Variants in SYDE2 observed in about 807,000 individuals in gnomAD.
The protein encoded by SYDE2 is rho GTPase-activating protein SYDE2.
A neutral mutation model predicts 91.5 loss-of-function variants in SYDE2; 76 were observed. The ratio of observed to expected loss-of-function variants is 0.83; its 90% confidence interval spans 0.69 to 1.01. The LOEUF (loss-of-function observed/expected upper bound fraction) is 1.01. Ranked by LOEUF, SYDE2 falls within the 50% of genes least tolerant of loss-of-function variation. The pLI is 0.00. For synonymous variants in SYDE2, 513 were observed against 506.4 expected (o/e 1.01, Z -0.18); for missense variants, 1,364 against 1,367.7 (o/e 1.00, Z 0.04).
intron 1 of SYDE2, 59 bp downstream of exon 1, chr1:85,200,193 G>A: frequency 6.2e-7 from 1 of 1,609,258 alleles, no homozygotes; most frequent in East Asian, 2.2e-5. Context: ...TAAGACAGAA[G>A]CCCAGTCGGT....
chr1:85,164,933 T>C (rs1334542319), intron 5 of SYDE2, among the ~76,000 whole-genome samples, 176 bp from the exon 6 acceptor site: 1 of 152,160 alleles, frequency 6.6e-6, no homozygotes, highest in African/African-American at 2.4e-5. Flanking sequence ...AAACATTATA[T>C]GGGGCCTAAA....
At chr1:85,195,174 T>A (rs1216720821) in intron 1 of SYDE2, among the ~76,000 whole-genome samples, 3 of 148,270 alleles carry the variant, frequency 2.0e-5, no homozygotes. Context: ...AAAAAAAAAA[T>A]GTGTAGTATC....
At chr1:85,186,741 C>A (rs1165449451) in intron 2 of SYDE2, among the ~76,000 whole-genome samples, 1 of 151,696 alleles carries the variant, frequency 6.6e-6, no homozygotes. Context: ...CTTTGACAAA[C>A]CTGAGAAAAA....
intron 1 of SYDE2, among the ~76,000 whole-genome samples, chr1:85,191,515 T>C (rs1382021325): frequency 6.6e-6 from 1 of 152,086 alleles, no homozygotes; most frequent in Non-Finnish European, 1.5e-5. Context: ...ATCCCAGCAC[T>C]TTGGGAGGCC....
chr1:85,183,231 A>T (rs1023659101), intron 2 of SYDE2, 31 bp from the exon 3 acceptor site: 2 of 1,495,806 alleles, frequency 1.3e-6, no homozygotes, highest in East Asian at 4.6e-5. Context: ...ATACGTTATA[A>T]AGCAATATGT....
At chr1:85,171,349 T>C (rs1202631020) in intron 4 of SYDE2, among the ~76,000 whole-genome samples, 1 of 152,054 alleles carries the variant, frequency 6.6e-6, no homozygotes, top group Middle Eastern at 3.2e-3. Context: ...ATCTTCCAGT[T>C]GTGACTAAGG....
chr1:85,163,426 C>G (rs1459739599), intron 6 of SYDE2, among the ~76,000 whole-genome samples: 2 of 133,214 alleles, frequency 1.5e-5, no homozygotes, highest in African/African-American at 5.4e-5. Flanking sequence ...TGAAATCAAG[C>G]ATTCTCTTGT....
chr1:85,166,884 T>C (rs546839619), intron 5 of SYDE2, among the ~76,000 whole-genome samples: 47 of 152,182 alleles, frequency 3.1e-4, no homozygotes, highest in Non-Finnish European at 5.4e-4. Context: ...CTAAATAAGA[T>C]AAGCCAAAAA....
intron 6 of SYDE2, chr1:85,161,017 T>G: frequency 1.0e-6 from 1 of 979,934 alleles, no homozygotes; most frequent in African/African-American, 1.7e-5. Context: ...CTTTTTAGAC[T>G]ACTGATGTCA....
chr1:85,156,570 A>G (rs1361033137), downstream of SYDE2, among the ~76,000 whole-genome samples: 2 of 152,166 alleles, frequency 1.3e-5, no homozygotes, highest in African/African-American at 4.8e-5. Context: ...CTGGTACAGC[A>G]GAGTCAATAA....
intron 1 of SYDE2, among the ~76,000 whole-genome samples, chr1:85,199,617 T>C (rs1451979518): frequency 3.3e-5 from 5 of 152,166 alleles, no homozygotes; most frequent in Non-Finnish European, 1.5e-5. Context: ...AAGATTACTT[T>C]GTTGAGGTTT....
In SYDE2 at chr1:85,187,404, T is replaced by C. The variant is rs1364002853; in HGVS notation, c.1441+2653A>G. Among the ~76,000 whole-genome samples the C allele has an allele frequency of 2.6e-5, 4 of 151,926 alleles. No individual in the cohort carries two copies. In the South Asian group the frequency reaches 6.2e-4, roughly 24 times the overall value. On this transcript the variant is annotated intron_variant, in intron 2 of 6. Coordinates refer to ENST00000341460, the MANE Select transcript of SYDE2 (RefSeq NM_032184.2). ...AGGATGTGGAGAAATAGGAACACTTTTACACTGCTGGTGGGACTGTAAACT... is the reference window on the plus strand; with the variant it reads ...AGGATGTGGAGAAATAGGAACACTTCTACACTGCTGGTGGGACTGTAAACT...
rs770634665 is a variant in SYDE2 at position 85,182,071 on chromosome 1, T to C, written c.2544+27A>G. 44 of 1,534,944 alleles carry C rather than the reference T, an allele frequency of 2.9e-5. 1 individual carries two copies. The South Asian group carries it at 5.3e-4, about 18-fold the overall frequency. On this transcript the variant is annotated intron_variant, in intron 3 of 6. Transcript: ENST00000341460. ...ACAATTAATCAATCAATAAAGGAAG[T>C]AGTAGGGAACCATAGTAAGATAATA...
Position 85,190,150 on chromosome 1 carries a change from C to T in SYDE2, c.1348G>A (p.Glu450Lys), listed in dbSNP as rs375897285. The T allele has an allele frequency of 4.3e-6, 7 of 1,613,862 alleles. No homozygotes were observed. The highest frequency in any genetic ancestry group is 1.3e-5 in the African/African-American group (1 of 74,924). Residue 450 changes from glutamate (E) to lysine (K), a missense_variant, in exon 2 of 7, where the codon GAA becomes AAA. Glu to Lys is a moderately conservative substitution (Grantham distance 56). Coordinates refer to ENST00000341460, the MANE Select transcript of SYDE2 (RefSeq NM_032184.2). ...TTTTGCTTGTACTGCTGCACAAATT[C>T]TGTGGAATGGGCAGGATGTATAGGA... is the stretch of plus-strand genomic sequence containing the variant. ...MNPIHPAHST[E>K]FVQQYKQKLG...
intron 1 of SYDE2, among the ~76,000 whole-genome samples, chr1:85,199,439 A>G (rs1658723921): frequency 6.6e-6 from 1 of 152,222 alleles, no homozygotes; most frequent in Admixed American, 6.5e-5. Context: ...CACATACAAA[A>G]TAGGGAGCTT....
intron 6 of SYDE2, among the ~76,000 whole-genome samples, chr1:85,164,154 C>T (rs1657179581): frequency 6.6e-6 from 1 of 152,160 alleles, no homozygotes; most frequent in South Asian, 2.1e-4. Context: ...ACATTACATA[C>T]ACAATTTTTA....
At chr1:85,190,000 T>C (rs1425018999) in intron 2 of SYDE2, 57 bp downstream of exon 2, 11 of 1,294,630 alleles carry the variant, frequency 8.5e-6, no homozygotes, top group Admixed American at 2.3e-5. Flanking sequence ...TTTTAGCTAT[T>C]ATCAAATAAT....
intron 2 of SYDE2, among the ~76,000 whole-genome samples, chr1:85,184,253 A>G (rs1454441569): frequency 6.6e-6 from 1 of 152,214 alleles, no homozygotes; most frequent in South Asian, 2.1e-4. Flanking sequence ...TGAATAACCA[A>G]TTGTTAGTTG....
chr1:85,156,714 A>G (rs1656890236), downstream of SYDE2, among the ~76,000 whole-genome samples: 1 of 152,190 alleles, frequency 6.6e-6, no homozygotes, highest in Admixed American at 6.5e-5. Context: ...CATGGCCCTT[A>G]AAAGTATTTC....
Sources: gnomAD v4.1 joint callset for allele counts (sites outside exome capture counted in the v4.1 genomes callset) on GRCh38, gnomAD v4.1.1 for gene constraint, MANE v1.5 for transcripts, NCBI Gene and HGNC (gene_info 2026-07-23, HGNC 2026-07-21) for gene names.